Variants in RCC1 observed in about 807,000 individuals in gnomAD.
RCC1 encodes regulator of chromosome condensation.
In RCC1, 11 loss-of-function variants were observed where a neutral mutation model predicts 44.4. The ratio of observed to expected loss-of-function variants is 0.25; its 90% confidence interval spans 0.16 to 0.41. The LOEUF (loss-of-function observed/expected upper bound fraction) is 0.41, where lower values mean the gene tolerates loss of function less well. Ranked by LOEUF, RCC1 falls within the 10% of genes least tolerant of loss-of-function variation. RCC1 has a pLI of 1.00. For missense variants in RCC1, 386 were observed against 547.1 expected, an observed-to-expected ratio of 0.71 and a Z score of 2.94; for synonymous variants, 213 against 216.5, an observed-to-expected ratio of 0.98 and a Z score of 0.14.
At chr1:28,532,072 C>A in intron 6 of RCC1, 82 bp downstream of exon 6, 1 of 1,562,642 alleles carries the variant, frequency 6.4e-7, no homozygotes, top group South Asian at 1.2e-5. Flanking sequence ...CACGCATGTT[C>A]ACTGTGGAAA....
intron 7 of RCC1, chr1:28,532,872 A>T: frequency 2.8e-6 from 1 of 359,474 alleles, no homozygotes; most frequent in Non-Finnish European, 5.6e-6. Context: ...CTGGAGTGCA[A>T]TAGCGCAATC....
chr1:28,535,135 AGGTGGCCTCAGGTGGGTCTGG>A lies in RCC1; in HGVS notation c.530_538+12del. ...GTGCAGCTGGATGTGCCTGTGGTAA[AGGTGGCCTCAGGTGGGTCTGG>A]GGGCACTTGCTCAGGGCAGGAGTTG... On this transcript the variant is annotated splice_donor_variant and splice_donor_5th_base_variant and coding_sequence_variant and intron_variant, in exon 8 of 13. Transcript: ENST00000683442. LOFTEE classifies it high-confidence loss of function. 1 of 1,614,136 alleles carries A rather than the reference AGGTGGCCTCAGGTGGGTCTGG, an allele frequency of 6.2e-7. No homozygotes were observed. Among genetic ancestry groups the A allele is most frequent in the South Asian group, 1.1e-5 (1 of 91,082 alleles).
rs181000237 is a variant in RCC1 at position 28,508,196 on chromosome 1, C to A, written c.-229+36C>A. 45 of 430,374 alleles carry A rather than the reference C, an allele frequency of 1.0e-4. 1 individual carries two copies. Among genetic ancestry groups the A allele is most frequent in the Middle Eastern group, 3.4e-4 (1 of 2,934 alleles). 26.7% of individuals were successfully genotyped at this position (430,374 alleles called of 1,614,324 possible). On this transcript the variant is annotated intron_variant, in intron 2 of 12. Transcript: ENST00000683442. ...CTGCTAATTGTTTTTTGCTTATCAG[C>A]TCTTTGTCAATGATTTCTGTAATGG...
chr1:28,508,503 G>C, intron 2 of RCC1: 1 of 478,716 alleles, frequency 2.1e-6, no homozygotes, highest in Admixed American at 2.2e-5. Flanking sequence ...AAAATACTGT[G>C]GGTGATTAGC....
At chr1:28,520,292 C>T (rs77985331) in intron 4 of RCC1, among the ~76,000 whole-genome samples, 128 of 152,312 alleles carry the variant, frequency 8.4e-4, no homozygotes, top group Non-Finnish European at 1.6e-3. Flanking sequence ...GAGGGCACAG[C>T]TGCAGTGGCC....
At chr1:28,533,839 TCTTTTC>T (rs1391807033) in intron 7 of RCC1, among the ~76,000 whole-genome samples, 10 of 124,120 alleles carry the variant, frequency 8.1e-5, no homozygotes, top group Non-Finnish European at 6.5e-5. Flanking sequence ...TCTTTTCTTT[TCTTTTC>T]TTTTTTTTTT....
At chr1:28,507,885 C>T (rs573114663) in intron 1 of RCC1, 57 of 304,672 alleles carry the variant, frequency 1.9e-4, no homozygotes, top group Middle Eastern at 1.1e-3. Context: ...GGATTACAGG[C>T]GTGAGCCACC....
chr1:28,510,255 A>T (rs1472299668), intron 3 of RCC1: 2 of 152,444 alleles, frequency 1.3e-5, no homozygotes, highest in East Asian at 3.9e-4. Flanking sequence ...TTGGTTTGAG[A>T]ATGGAAGCTA....
At chr1:28,506,150 G>T (rs188359143) in intron 1 of RCC1, 66 bp downstream of exon 1, 86 of 450,974 alleles carry the variant, frequency 1.9e-4, no homozygotes, top group African/African-American at 1.6e-3. Context: ...TAATGCTATA[G>T]ATCAGTAGCC....
In RCC1 at chr1:28,538,090, G is replaced by A; in HGVS notation, c.*83G>A. 3.8e-6 allele frequency: 5 copies of A among 1,327,852 alleles called. No individual in the cohort carries two copies. Among genetic ancestry groups the A allele is most frequent in the Non-Finnish European group, 5.2e-6 (5 of 959,878 alleles). The allele number at this position is 1,327,852 out of a possible 1,614,324, so 82.3% of individuals were successfully genotyped here. A position where few individuals can be genotyped will look rare whatever the true frequency, so the allele number is the denominator to read the frequency against. On this transcript the variant is annotated 3_prime_UTR_variant, in exon 13 of 13. Transcript: ENST00000683442. ...GCAGTGACAGCTGCAGATGGCAGCG[G>A]GCCTCTCCCCAGCCCTGAGCACTGT...
In RCC1 at chr1:28,511,618, CT is replaced by C. The variant is rs2124607714; in HGVS notation, c.-153+2714del. On this transcript the variant is annotated intron_variant, in intron 3 of 12. Transcript: ENST00000683442. ...TCTCCTGACCTCGTGATCCGCCCACCTCGGCCTCCCAAAGTGCTGGGTTTAC... is the reference window on the plus strand; with the variant it reads ...TCTCCTGACCTCGTGATCCGCCCACCCGGCCTCCCAAAGTGCTGGGTTTAC... Among the ~76,000 whole-genome samples, 2 of 151,666 alleles carry C rather than the reference CT, an allele frequency of 1.3e-5. 1 individual carries two copies. Among genetic ancestry groups the C allele is most frequent in the South Asian group, 4.2e-4 (2 of 4,812 alleles).
chr1:28,525,990 CTG>C (rs748450441), intron 4 of RCC1, among the ~76,000 whole-genome samples: 1 of 152,118 alleles, frequency 6.6e-6, no homozygotes. Context: ...ACCTTAAAGA[CTG>C]TGGCTCCGGC....
At chr1:28,531,591 A>C (rs1162280395) in intron 5 of RCC1, among the ~76,000 whole-genome samples, 1 of 152,018 alleles carries the variant, frequency 6.6e-6, no homozygotes, top group Non-Finnish European at 1.5e-5. Flanking sequence ...TTTCACGTGA[A>C]TAATGTGCTC....
intron 7 of RCC1, among the ~76,000 whole-genome samples, chr1:28,534,422 C>T (rs2853727): frequency 0.087 from 13,256 of 152,170 alleles, 1,055 homozygotes; most frequent in African/African-American, 0.21. Flanking sequence ...ACCTCGTGAT[C>T]GCCCGCCTTG....
At chr1:28,516,189 C>T (rs1204455425) in intron 3 of RCC1, among the ~76,000 whole-genome samples, 1 of 150,516 alleles carries the variant, frequency 6.6e-6, no homozygotes, top group Non-Finnish European at 1.5e-5. Context: ...TCAGCCTGGC[C>T]AACATGGAGA....
intron 7 of RCC1, among the ~76,000 whole-genome samples, chr1:28,533,331 C>T (rs1418232213): frequency 2.0e-5 from 3 of 151,730 alleles, no homozygotes; most frequent in South Asian, 2.1e-4. Context: ...ATTAGCCAAG[C>T]GTGGTGGCGG....
At chr1:28,514,489 T>C (rs1662765790) in intron 3 of RCC1, among the ~76,000 whole-genome samples, 2 of 146,318 alleles carry the variant, frequency 1.4e-5, no homozygotes, top group African/African-American at 2.6e-5. Context: ...CGGCCTGGTG[T>C]GGTGGCTCAC....
At position 28,536,056 on chromosome 1, in the gene RCC1, C is replaced by A; in HGVS notation, c.817+30C>A. On this transcript the variant is annotated intron_variant, in intron 10 of 12. Transcript: ENST00000683442. The surrounding 1 kb of genome is among the most constrained non-coding windows in gnomAD (Gnocchi z 4.9). ...GCCCCGAGCCCAGCTTCAGGCATGA[C>A]CCAGTGGCCTGCGTTCCTGTCCTGG... is the stretch of plus-strand genomic sequence containing the variant. The A allele has an allele frequency of 6.3e-7, 1 of 1,583,458 alleles. No individual in the cohort carries two copies.
In RCC1 at chr1:28,508,110, T is replaced by G. The variant is rs1662172789; in HGVS notation, c.-261-18T>G. 4.5e-6 allele frequency: 2 copies of G among 443,076 alleles called. No individual in the cohort carries two copies. Among genetic ancestry groups the G allele is most frequent in the Non-Finnish European group, 9.2e-6 (2 of 217,810 alleles). The allele number at this position is 443,076 out of a possible 1,614,324, so 27.4% of individuals were successfully genotyped here. A position where few individuals can be genotyped will look rare whatever the true frequency, so the allele number is the denominator to read the frequency against. On this transcript the variant is annotated intron_variant, in intron 1 of 12. Coordinates refer to ENST00000683442, the MANE Select transcript of RCC1 (RefSeq NM_001381865.2). Reference sequence around the variant, plus strand: ...TTAGGGTTTTGCTGTACTAATAGATTAATATCTTGTTTTGCAGGATTTGTT... The same window carrying G: ...TTAGGGTTTTGCTGTACTAATAGATGAATATCTTGTTTTGCAGGATTTGTT...
Sources: allele counts gnomAD v4.1 joint callset (sites outside exome capture counted in the v4.1 genomes callset), GRCh38; gene constraint gnomAD v4.1.1; non-coding constraint Gnocchi (gnomAD v3.1); transcripts MANE v1.5; gene names NCBI Gene and HGNC (gene_info 2026-07-23, HGNC 2026-07-21).